Variants in NRG4 observed in about 807,000 individuals in gnomAD.
NRG4 encodes pro-neuregulin-4, membrane-bound isoform.
In NRG4, 10 loss-of-function variants were observed where a neutral mutation model predicts 15.0. The ratio of observed to expected loss-of-function variants is 0.67; its 90% CI spans 0.41 to 1.13. The LOEUF is 1.13. Among genes scored for constraint, NRG4 ranks in the 50% most tolerant of loss-of-function variants. The probability of loss-of-function intolerance (pLI) is 0.00; values close to 1 mark genes in which losing one functional copy is unlikely to be tolerated. For missense variants in NRG4, 139 were observed against 140.2 expected (o/e 0.99, Z 0.04); for synonymous variants, 41 against 50.1 (o/e 0.82, Z 0.77).
At chr15:76,044,799 C>T (rs1347333541) in intron 4 of NRG4, among the ~76,000 whole-genome samples, 1 of 147,452 alleles carries the variant, frequency 6.8e-6, no homozygotes, top group Non-Finnish European at 1.5e-5. Context: ...CGAGATCATA[C>T]CACTGCACTC....
chr15:76,011,579 C>T lies in NRG4; in HGVS notation c.-56-293G>A, dbSNP rs547246234. 8.6e-5 allele frequency among the ~76,000 whole-genome samples: 13 copies of T among 151,916 alleles called. 1 individual carries two copies. The South Asian group carries it at 1.5e-3, about 17-fold the overall frequency. On this transcript the variant is annotated intron_variant, in intron 1 of 5. Coordinates refer to ENST00000394907, the MANE Select transcript of NRG4 (RefSeq NM_138573.4). Reference sequence around the variant, plus strand: ...AGAAAAGTCTAATAAGGCTTTTTTTCGTAAACATTGTTAACATAGTAGAGT... The same window carrying T: ...AGAAAAGTCTAATAAGGCTTTTTTTTGTAAACATTGTTAACATAGTAGAGT...
intron 4 of NRG4, among the ~76,000 whole-genome samples, chr15:76,037,085 C>T (rs747555495): frequency 3.3e-5 from 5 of 152,094 alleles, no homozygotes; most frequent in Admixed American, 2.0e-4. Context: ...TATTTCTATA[C>T]GCCAAAAGCA....
At chr15:76,020,260 G>T (rs944458515) in intron 5 of NRG4, among the ~76,000 whole-genome samples, 2 of 152,054 alleles carry the variant, frequency 1.3e-5, no homozygotes, top group African/African-American at 4.8e-5. Flanking sequence ...CCCTACAATG[G>T]CCCCTAAGTG....
chr15:75,961,452 A>C (rs527361156), intron 4 of NRG4, among the ~76,000 whole-genome samples: 1 of 152,316 alleles, frequency 6.6e-6, no homozygotes, highest in Non-Finnish European at 1.5e-5. Flanking sequence ...GACCCTGCAT[A>C]TTAACCATAT....
chr15:76,013,128 A>G (rs1474211773), upstream of NRG4, among the ~76,000 whole-genome samples: 4 of 152,250 alleles, frequency 2.6e-5, no homozygotes, highest in Admixed American at 2.6e-4. Context: ...TTCAGACATT[A>G]TTACTTGACT....
chr15:75,954,233 T>A (rs1595949377), intron 5 of NRG4, among the ~76,000 whole-genome samples: 2 of 151,962 alleles, frequency 1.3e-5, no homozygotes. Context: ...GTGTGTAATC[T>A]GCTGTTAATA....
At chr15:75,946,592 C>T (rs1178629631) in intron 5 of NRG4, among the ~76,000 whole-genome samples, 1 of 152,184 alleles carries the variant, frequency 6.6e-6, no homozygotes, top group African/African-American at 2.4e-5. Context: ...ATCTCCTGAC[C>T]TCGTGATCCG....
intron 5 of NRG4, among the ~76,000 whole-genome samples, chr15:75,945,328 A>G (rs891041132): frequency 5.3e-5 from 8 of 150,492 alleles, no homozygotes; most frequent in African/African-American, 2.0e-4. Flanking sequence ...ATCTCAGCTC[A>G]CTGCAACCTC....
chr15:75,987,070 G>A lies in NRG4; in HGVS notation c.104+22130C>T, dbSNP rs577045942. ...ACCAAAAGCCTGGCCTCCAAATCCT[G>A]TTCAAATCCTAAAGCAATCCCTAGG... On this transcript the variant is annotated intron_variant, in intron 3 of 5. Coordinates refer to ENST00000394907, the MANE Select transcript of NRG4 (RefSeq NM_138573.4). 1.1e-4 allele frequency among the ~76,000 whole-genome samples: 16 copies of A among 152,274 alleles called. No individual in the cohort carries two copies. In the South Asian group the frequency reaches 3.3e-3, roughly 32 times the overall value.
intron 4 of NRG4, among the ~76,000 whole-genome samples, chr15:75,956,758 CA>C (rs1263280428): frequency 6.6e-6 from 1 of 152,120 alleles, no homozygotes; most frequent in Non-Finnish European, 1.5e-5. Context: ...TACTAAAGTT[CA>C]AAAGGACCTC....
At chr15:76,003,578 T>C (rs2034489823) in intron 3 of NRG4, among the ~76,000 whole-genome samples, 1 of 152,018 alleles carries the variant, frequency 6.6e-6, no homozygotes, top group Non-Finnish European at 1.5e-5. Flanking sequence ...AATATAAATA[T>C]CCAAAAAGGT....
Position 76,044,840 on chromosome 15 carries a change from C to CAAA in NRG4, c.-105+7224_-105+7226dup, listed in dbSNP as rs35017424. 7.7e-3 allele frequency among the ~76,000 whole-genome samples: 483 copies of CAAA among 62,522 alleles called. 10 individuals carry two copies. The highest frequency in any genetic ancestry group is 0.025 in the African/African-American group (434 of 17,454). 41.0% of individuals were successfully genotyped at this position (62,522 alleles called of 152,430 possible). ...TGGGCGACAGAGCGAGACTCTGTCT[C>CAAA]AAAAAAAAAAAAAAAAAGATTTCTT... On this transcript the variant is annotated intron_variant, in intron 4 of 8. Transcript: ENST00000563910.
At chr15:76,032,840 A>G (rs1331306792) in intron 5 of NRG4, among the ~76,000 whole-genome samples, 1 of 152,248 alleles carries the variant, frequency 6.6e-6, no homozygotes, top group Non-Finnish European at 1.5e-5. Context: ...TGAAAGTAAA[A>G]GTAGATGTTC....
chr15:75,994,266 C>T (rs1183125066), intron 3 of NRG4, among the ~76,000 whole-genome samples: 8 of 152,176 alleles, frequency 5.3e-5, no homozygotes, highest in Non-Finnish European at 8.8e-5. Flanking sequence ...TCTATGCATA[C>T]AAATTCAAGG....
At chr15:75,968,454 G>A (rs2032927058) in intron 3 of NRG4, among the ~76,000 whole-genome samples, 1 of 152,072 alleles carries the variant, frequency 6.6e-6, no homozygotes, top group African/African-American at 2.4e-5. Context: ...TGGGCATGGT[G>A]GTGGGTGCCT....
chr15:76,019,081 T>A (rs1161695422), intron 5 of NRG4, among the ~76,000 whole-genome samples: 1 of 152,020 alleles, frequency 6.6e-6, no homozygotes, highest in African/African-American at 2.4e-5. Context: ...TTTGCTGAGC[T>A]GCGGTGGGCT....
chr15:75,943,757 A>G lies in NRG4; in HGVS notation c.332-103T>C, dbSNP rs896593008. On this transcript the variant is annotated intron_variant, in intron 5 of 5. Coordinates refer to ENST00000394907, the MANE Select transcript of NRG4 (RefSeq NM_138573.4). ...TTATCTTCTTCACATATATAAGCCA[A>G]CCCCTTCTGTTTGTGATAGGATGTG... 4 of 751,096 alleles carry G rather than the reference A, an allele frequency of 5.3e-6. No individual in the cohort carries two copies. In the African/African-American group the frequency reaches 5.4e-5, roughly 10 times the overall value. The allele number at this position is 751,096 out of a possible 1,614,324, so 46.5% of individuals were successfully genotyped here. A position where few individuals can be genotyped will look rare whatever the true frequency, so the allele number is the denominator to read the frequency against.
upstream of NRG4, among the ~76,000 whole-genome samples, chr15:76,014,358 T>C (rs2034910157): frequency 6.6e-6 from 1 of 152,196 alleles, no homozygotes; most frequent in Non-Finnish European, 1.5e-5. Flanking sequence ...TTAGATCCCA[T>C]TTGTCAGTTT....
chr15:75,952,582 C>T (rs1595947369), intron 5 of NRG4, among the ~76,000 whole-genome samples: 1 of 150,424 alleles, frequency 6.6e-6, no homozygotes. Flanking sequence ...TTTTTTTCGC[C>T]CTCCTCAAAG....
Sources: allele counts gnomAD v4.1 joint callset (sites outside exome capture counted in the v4.1 genomes callset), GRCh38; gene constraint gnomAD v4.1.1; transcripts MANE v1.5; gene names NCBI Gene and HGNC (gene_info 2026-07-23, HGNC 2026-07-21).